Variants in KRT82 observed in about 807,000 individuals in gnomAD.
KRT82 encodes the protein keratin, type II cuticular Hb2.
A neutral mutation model predicts 48.0 loss-of-function variants in KRT82; 44 were observed. The observed-to-expected ratio is 0.92, with a 90% CI of 0.72 to 1.18. The LOEUF (loss-of-function observed/expected upper bound fraction) is 1.18, where lower values mean the gene tolerates loss of function less well. Among genes scored for constraint, KRT82 ranks in the 50% most tolerant of loss-of-function variants. The pLI, the probability that KRT82 is intolerant of heterozygous loss-of-function variation, is 0.00. For synonymous variants in KRT82, 297 were observed against 278.3 expected (o/e 1.07, Z -0.67); for missense variants, 701 against 671.4 (o/e 1.04, Z -0.49).
At position 52,403,758 on chromosome 12, in the gene KRT82, A is replaced by T. The variant is rs759528526; in HGVS notation, c.563T>A (p.Val188Glu). 6.2e-7 allele frequency: 1 copy of T among 1,613,442 alleles called. No homozygotes were observed. Among genetic ancestry groups the T allele is most frequent in the Non-Finnish European group, 8.5e-7 (1 of 1,179,982 alleles). The change falls in exon 2 of 9, where the codon GTG becomes GAG. Residue 188 changes from valine to glutamate, a missense_variant. By Grantham distance (121) the Val-to-Glu change is moderately radical. Coordinates refer to ENST00000257974, the MANE Select transcript of KRT82 (RefSeq NM_033033.4). ...GCTGCAGAGCTCTGACTCTAGCCTC[A>T]CGCGGTCCCCGGACACACAGTCCAG... ...RQLDCVSGDRVRLESELCSLQ... is the reference protein window; with the variant it reads ...RQLDCVSGDRERLESELCSLQ...
Position 52,396,887 on chromosome 12 carries a change from G to A in KRT82, c.1064C>T (p.Ala355Val), listed in dbSNP as rs1286240208. The A allele has an allele frequency of 1.2e-6, 2 of 1,613,872 alleles. No homozygotes were observed. The highest frequency in any genetic ancestry group is 2.7e-5 in the African/African-American group (2 of 74,910). Reference protein sequence around the residue: ...RLQQETENVKAQRCKLEGAIA... With the variant: ...RLQQETENVKVQRCKLEGAIA... ...GGAAGTCCTCCCCAGCCTCACCTGG[G>A]CTTTGACATTCTCGGTTTCTTGCTG... The change falls in exon 6 of 9, where the codon GCC (alanine) becomes GTC (valine). Residue 355 changes from alanine to valine, a missense_variant. Ala to Val is a moderately conservative substitution (Grantham distance 64). Transcript: ENST00000257974.
chr12:52,395,066 C>CCCCT lies in KRT82; in HGVS notation c.1450_1451insAGGG (p.Cys484Ter). The CCCCT allele has an allele frequency of 6.2e-7, 1 of 1,614,064 alleles. No individual in the cohort carries two copies. Reference sequence around the variant, plus strand: ...ACAGCTCAGTAGCCCCTGGGGCTCGCAGGGGACATAGAGTTCACCAGTGCC... The same window carrying CCCCT: ...ACAGCTCAGTAGCCCCTGGGGCTCGCCCCTAGGGGACATAGAGTTCACCAGTGCC... On this transcript the variant is annotated stop_gained and frameshift_variant, in exon 9 of 9. Coordinates refer to ENST00000257974, the MANE Select transcript of KRT82 (RefSeq NM_033033.4). LOFTEE classifies it low-confidence loss of function (END_TRUNC).
At chr12:52,399,310 G>T (rs1043228467) in intron 5 of KRT82, among the ~76,000 whole-genome samples, 1 of 152,172 alleles carries the variant, frequency 6.6e-6, no homozygotes, top group African/African-American at 2.4e-5. Context: ...GAATGAAAGC[G>T]ACATGAAGGC....
chr12:52,401,407 C>G, intron 2 of KRT82, 58 bp from the exon 3 acceptor site: 1 of 1,572,012 alleles, frequency 6.4e-7, no homozygotes, highest in South Asian at 1.1e-5. Flanking sequence ...TGGAAGAGAT[C>G]TTGGCATCAG....
chr12:52,396,667 G>A (rs539121794), intron 6 of KRT82, among the ~76,000 whole-genome samples: 4 of 152,280 alleles, frequency 2.6e-5, no homozygotes, highest in East Asian at 1.9e-4. Context: ...TGGTCACCTC[G>A]TTTCTGTTGG....
At position 52,396,289 on chromosome 12, in the gene KRT82, C is replaced by T. The variant is rs902878890; in HGVS notation, c.1069-57G>A. 6.6e-6 allele frequency: 10 copies of T among 1,512,846 alleles called. No homozygotes were observed. In the South Asian group the frequency reaches 7.2e-5, roughly 11 times the overall value. The allele number at this position is 1,512,846 out of a possible 1,614,324, so 93.7% of individuals were successfully genotyped here. A position where few individuals can be genotyped will look rare whatever the true frequency, so the allele number is the denominator to read the frequency against. The stretch of plus-strand genomic sequence containing the variant: ...GGGCCCTGGAGCCCCAAGCCAGACT[C>T]GCAGAAGAGCAGAGAGAACACGGGG... On this transcript the variant is annotated intron_variant, in intron 6 of 8. Transcript: ENST00000257974.
chr12:52,401,492 C>A, intron 2 of KRT82, 143 bp from the exon 3 acceptor site: 4 of 693,268 alleles, frequency 5.8e-6, no homozygotes, highest in Non-Finnish European at 1.0e-5. Flanking sequence ...GTCTTGGCAA[C>A]TCTAGCTCCT....
chr12:52,399,918 T>G, intron 5 of KRT82, 67 bp downstream of exon 5: 1 of 1,531,628 alleles, frequency 6.5e-7, no homozygotes, highest in Non-Finnish European at 9.0e-7. Flanking sequence ...AGAAGGAGTC[T>G]GGGGGTCCTC....
At chr12:52,399,511 C>T (rs1939758071) in intron 5 of KRT82, among the ~76,000 whole-genome samples, 2 of 152,214 alleles carry the variant, frequency 1.3e-5, no homozygotes, top group African/African-American at 2.4e-5. Flanking sequence ...CCTTAGGGCC[C>T]CCCTGCCCTC....
chr12:52,399,914 A>G, intron 5 of KRT82, 71 bp downstream of exon 5: 1 of 1,491,080 alleles, frequency 6.7e-7, no homozygotes, highest in Non-Finnish European at 9.3e-7. Flanking sequence ...GCGGAGAAGG[A>G]GTCTGGGGGT....
intron 4 of KRT82, 113 bp downstream of exon 4, chr12:52,400,414 G>A (rs573029412): frequency 7.4e-5 from 62 of 840,506 alleles, no homozygotes; most frequent in Non-Finnish European, 1.0e-4. Context: ...TCTACAGTGC[G>A]GACCTCTTTC....
At position 52,395,106 on chromosome 12, in the gene KRT82, C is replaced by A; in HGVS notation, c.1411G>T (p.Gly471Cys). The A allele has an allele frequency of 6.2e-7, 1 of 1,614,020 alleles. No homozygotes were observed. The highest frequency in any genetic ancestry group is 8.5e-7 in the Non-Finnish European group (1 of 1,179,982). ...TCACCAGTGCCCACGATGCTGCAGCCCCCATTGCTCCTGAGGACGCCAGTG... is the reference window on the plus strand; with the variant it reads ...TCACCAGTGCCCACGATGCTGCAGCACCCATTGCTCCTGAGGACGCCAGTG... ...LSTGVLRSNG[G>C]CSIVGTGELY... The change falls in exon 9 of 9, where the codon GGC (glycine) becomes TGC (cysteine). Residue 471 changes from glycine to cysteine, a missense_variant. Gly to Cys is a radical substitution (Grantham distance 159). Transcript: ENST00000257974.
In KRT82 at chr12:52,401,366, G is replaced by GA. The variant is rs1565782739; in HGVS notation, c.621-18dup. ...TCTTCGTATCTGATGGAAAAGGCAG[G>GA]AAAAAATGCTTTAGTCGGGCTTGTG... On this transcript the variant is annotated splice_polypyrimidine_tract_variant and intron_variant, in intron 2 of 8. Coordinates refer to ENST00000257974, the MANE Select transcript of KRT82 (RefSeq NM_033033.4). 1 of 1,613,292 alleles carries GA rather than the reference G, an allele frequency of 6.2e-7. No homozygotes were observed. Among genetic ancestry groups the GA allele is most frequent in the Non-Finnish European group, 8.5e-7 (1 of 1,179,474 alleles).
intron 4 of KRT82, 122 bp downstream of exon 4, chr12:52,400,405 C>T: frequency 1.3e-6 from 1 of 797,376 alleles, no homozygotes; most frequent in East Asian, 2.5e-5. Flanking sequence ...GAGAACGTCT[C>T]TACAGTGCGG....
At chr12:52,397,182 A>G (rs1939727625) in intron 5 of KRT82, among the ~76,000 whole-genome samples, 174 bp from the exon 6 acceptor site, 1 of 152,054 alleles carries the variant, frequency 6.6e-6, no homozygotes, top group African/African-American at 2.4e-5. Context: ...TGGGTCCTTT[A>G]TGTGGGCTGT....
chr12:52,400,702 T>C (rs2121477055), intron 3 of KRT82, 80 bp from the exon 4 acceptor site: 1 of 924,180 alleles, frequency 1.1e-6, no homozygotes, highest in Non-Finnish European at 1.8e-6. Flanking sequence ...GGCGTGGGGC[T>C]CACCTTTCCT....
chr12:52,406,111 C>T lies in KRT82; in HGVS notation c.167G>A (p.Ser56Asn). ...LRALGCLGSR[S>N]LCNVGFGRPR... ...CCTCCCAAAGCCCACGTTGCACAGG[C>T]TCCGTGAGCCAAGGCAGCCCAGAGC... The change falls in exon 1 of 9, where the codon AGC becomes AAC. Residue 56 changes from serine (S) to asparagine (N), a missense_variant. Coordinates refer to ENST00000257974, the MANE Select transcript of KRT82 (RefSeq NM_033033.4). 1.2e-6 allele frequency: 2 copies of T among 1,613,166 alleles called. No individual in the cohort carries two copies. The highest frequency in any genetic ancestry group is 1.7e-6 in the Non-Finnish European group (2 of 1,179,814).
At chr12:52,405,545 T>G (rs1390261763) in intron 1 of KRT82, among the ~76,000 whole-genome samples, 5 of 152,260 alleles carry the variant, frequency 3.3e-5, no homozygotes, top group African/African-American at 1.2e-4. Context: ...TTTCTCTGCC[T>G]CTCTGGTCAT....
rs1939684485 is a variant in KRT82, at chr12:52,394,672, ATTTGACCT to A, written c.*295_*302del. 1 of 448,520 alleles carries A rather than the reference ATTTGACCT, an allele frequency of 2.2e-6. No individual in the cohort carries two copies. The highest frequency in any genetic ancestry group is 4.1e-6 in the Non-Finnish European group (1 of 242,804). 27.8% of individuals were successfully genotyped at this position (448,520 alleles called of 1,614,324 possible). A position where few individuals can be genotyped will look rare whatever the true frequency, so the allele number is the denominator to read the frequency against. ...CACAGAGCAGAACTGTGGTGTGCCC[ATTTGACCT>A]TTTGGGGGTTATTGCCATTCTGCGG... On this transcript the variant is annotated 3_prime_UTR_variant, in exon 9 of 9. Coordinates refer to ENST00000257974, the MANE Select transcript of KRT82 (RefSeq NM_033033.4).
Sources: allele counts gnomAD v4.1 joint callset (sites outside exome capture counted in the v4.1 genomes callset), GRCh38; gene constraint gnomAD v4.1.1; transcripts MANE v1.5; gene names NCBI Gene and HGNC (gene_info 2026-07-23, HGNC 2026-07-21).